Variants in SLC14A2 observed in about 807,000 individuals in gnomAD.
The protein encoded by SLC14A2 is urea transporter 2.
SLC14A2 carries 91 observed loss-of-function variants against 104.6 expected under a neutral mutation model. That is an observed-to-expected ratio of 0.87 (90% CI 0.73 to 1.04). The LOEUF is 1.04. Ranked by LOEUF, SLC14A2 falls within the 50% of genes least tolerant of loss-of-function variation. The pLI is 0.00. For synonymous variants in SLC14A2, 476 were observed against 466.4 expected (o/e 1.02, Z -0.27); for missense variants, 1,189 against 1,156.0 (o/e 1.03, Z -0.41).
At chr18:45,253,892 TTCTATTCTATA>T (rs2084448336) in intron 1 of SLC14A2, among the ~76,000 whole-genome samples, 1 of 152,224 alleles carries the variant, frequency 6.6e-6, no homozygotes, top group African/African-American at 2.4e-5. Context: ...GGTGAGGAGA[TTCTATTCTATA>T]TCTAGAAAGA....
intron 1 of SLC14A2, among the ~76,000 whole-genome samples, chr18:45,301,140 C>T (rs1185453358): frequency 6.6e-6 from 1 of 152,224 alleles, no homozygotes; most frequent in East Asian, 1.9e-4. Context: ...TATAAAGCAT[C>T]TTCACTAGTA....
In SLC14A2 at chr18:45,510,789, C is replaced by T. The variant is rs147731252; in HGVS notation, c.-35+27467C>T. On this transcript the variant is annotated intron_variant, in intron 2 of 20. Transcript: ENST00000586448. ...CTAGCTTGTTCTTGTCCTGCTTACA[C>T]AGCAGAGCAGCATTTCCAGCTGGCA... Among the ~76,000 whole-genome samples the T allele has an allele frequency of 2.4e-3, 362 of 152,284 alleles. 1 individual carries two copies. The highest frequency in any genetic ancestry group is 7.7e-3 in the African/African-American group (320 of 41,554).
chr18:45,266,785 G>A (rs2084596302), intron 1 of SLC14A2, among the ~76,000 whole-genome samples: 1 of 152,180 alleles, frequency 6.6e-6, no homozygotes, highest in African/African-American at 2.4e-5. Context: ...AGCTATGGCT[G>A]TCTGGCCGAA....
At chr18:45,613,453 G>C (rs976362379), upstream of SLC14A2, among the ~76,000 whole-genome samples, 1 of 152,208 alleles carries the variant, frequency 6.6e-6, no homozygotes, top group African/African-American at 2.4e-5. Flanking sequence ...GGTTGGAACA[G>C]TTTGGAGAGC....
intron 2 of SLC14A2, among the ~76,000 whole-genome samples, chr18:45,487,534 G>C (rs1175189215): frequency 6.6e-6 from 1 of 152,216 alleles, no homozygotes; most frequent in African/African-American, 2.4e-5. Context: ...AGTCAGTAGA[G>C]AGTTGGTTGG....
chr18:45,243,392 C>T (rs962604542), intron 1 of SLC14A2, among the ~76,000 whole-genome samples: 1 of 152,202 alleles, frequency 6.6e-6, no homozygotes, highest in Non-Finnish European at 1.5e-5. Context: ...AGTTAAGAGA[C>T]TGGTCCATGT....
At chr18:45,479,933 C>G (rs2087460584) in intron 1 of SLC14A2, among the ~76,000 whole-genome samples, 1 of 152,122 alleles carries the variant, frequency 6.6e-6, no homozygotes, top group Non-Finnish European at 1.5e-5. Flanking sequence ...TATTGCACCT[C>G]TCGTAAATTC....
chr18:45,599,380 C>T (rs1217500314), intron 2 of SLC14A2, among the ~76,000 whole-genome samples: 1 of 152,210 alleles, frequency 6.6e-6, no homozygotes, highest in Non-Finnish European at 1.5e-5. Flanking sequence ...CCCCCTTGCT[C>T]TTCTTCCAGT....
At chr18:45,600,450 C>G (rs2044772174) in intron 2 of SLC14A2, among the ~76,000 whole-genome samples, 1 of 152,172 alleles carries the variant, frequency 6.6e-6, no homozygotes, top group South Asian at 2.1e-4. Flanking sequence ...GGCATCCCTT[C>G]TTCTCACAGG....
At chr18:45,171,390 A>G in the SLC14A2 span, among the ~76,000 whole-genome samples, 1 of 152,114 alleles carries the variant, frequency 6.6e-6, no homozygotes, top group Admixed American at 6.6e-5. Context: ...GGTGACTACC[A>G]TTTGCAAAGG....
At chr18:45,594,332 T>A (rs1468774010) in intron 2 of SLC14A2, among the ~76,000 whole-genome samples, 2 of 152,180 alleles carry the variant, frequency 1.3e-5, no homozygotes, top group Non-Finnish European at 2.9e-5. Flanking sequence ...TGCTTGGACA[T>A]TAGATGTGAG....
chr18:45,520,578 A>C (rs763835737), intron 2 of SLC14A2, among the ~76,000 whole-genome samples: 3 of 152,348 alleles, frequency 2.0e-5, no homozygotes. Context: ...TAAACTTTGC[A>C]TGTCAAATGA....
intron 1 of SLC14A2, among the ~76,000 whole-genome samples, chr18:45,336,533 G>A (rs1248315865): frequency 6.6e-6 from 1 of 152,106 alleles, no homozygotes; most frequent in Non-Finnish European, 1.5e-5. Context: ...GGTGCACCTA[G>A]TAATGTCTCT....
chr18:45,239,137 C>T (rs2084285684), intron 1 of SLC14A2, among the ~76,000 whole-genome samples: 1 of 152,130 alleles, frequency 6.6e-6, no homozygotes, highest in African/African-American at 2.4e-5. Context: ...CTAGTGAATC[C>T]ACTCTTTAGG....
chr18:45,407,876 A>T (rs534744367), intron 1 of SLC14A2, among the ~76,000 whole-genome samples: 17 of 152,324 alleles, frequency 1.1e-4, no homozygotes, highest in African/African-American at 4.1e-4. Context: ...TACAACAGTA[A>T]TATCAAAGAT....
At position 45,444,150 on chromosome 18, in the gene SLC14A2, G is replaced by A. The variant is rs12454798; in HGVS notation, c.-124-39083G>A. 1.6e-3 allele frequency among the ~76,000 whole-genome samples: 238 copies of A among 152,328 alleles called. 1 individual carries two copies. The highest frequency in any genetic ancestry group is 4.3e-3 in the Admixed American group (66 of 15,298). On this transcript the variant is annotated intron_variant, in intron 1 of 20. Coordinates refer to the SLC14A2 transcript ENST00000586448. ...TGTATCTGAAGGCAGACTTTTGTGCGTGTACTGAAGAACCAACTGGAAGCC... is the reference window on the plus strand; with the variant it reads ...TGTATCTGAAGGCAGACTTTTGTGCATGTACTGAAGAACCAACTGGAAGCC...
intron 2 of SLC14A2, among the ~76,000 whole-genome samples, chr18:45,502,027 G>A (rs188343261): frequency 1.6e-4 from 24 of 152,304 alleles, no homozygotes; most frequent in African/African-American, 5.1e-4. Flanking sequence ...GCTTAGAGGA[G>A]CATAGAACTC....
At chr18:45,454,501 T>C (rs1394003792) in intron 1 of SLC14A2, among the ~76,000 whole-genome samples, 1 of 150,848 alleles carries the variant, frequency 6.6e-6, no homozygotes, top group South Asian at 2.1e-4. Flanking sequence ...AAAAGCTCTT[T>C]AGTTTAATTA....
intron 1 of SLC14A2, among the ~76,000 whole-genome samples, chr18:45,431,936 A>C (rs944826575): frequency 2.0e-5 from 3 of 152,160 alleles, no homozygotes; most frequent in Admixed American, 6.5e-5. Context: ...TGCTTCCAAC[A>C]GTCTCTTTTG....
Sources: allele counts gnomAD v4.1 joint callset (sites outside exome capture counted in the v4.1 genomes callset), GRCh38; gene constraint gnomAD v4.1.1; transcripts MANE v1.5; gene names NCBI Gene and HGNC (gene_info 2026-07-23, HGNC 2026-07-21).